Variants in TRAK1 observed in about 807,000 individuals in gnomAD.
The protein encoded by TRAK1 is trafficking kinesin protein 1, also known as trafficking kinesin-binding protein 1.
In TRAK1, 33 loss-of-function variants were observed where a neutral mutation model predicts 92.1. The ratio of observed to expected loss-of-function variants is 0.36; its 90% CI spans 0.27 to 0.48. The LOEUF is 0.48. Ranked by LOEUF, TRAK1 falls within the 20% of genes least tolerant of loss-of-function variation. The pLI is 0.99. For missense variants in TRAK1, 1,123 were observed against 1,257.9 expected (o/e 0.89, Z 1.62); for synonymous variants, 521 against 517.3 (o/e 1.01, Z -0.10).
At chr3:42,017,634 A>G (rs1481671798) in intron 1 of TRAK1, among the ~76,000 whole-genome samples, 1 of 152,214 alleles carries the variant, frequency 6.6e-6, no homozygotes, top group African/African-American at 2.4e-5. Context: ...GTAAAACTGG[A>G]TGTCTCCTGA....
chr3:42,136,611 A>T (rs982590789), intron 2 of TRAK1, among the ~76,000 whole-genome samples: 1 of 150,846 alleles, frequency 6.6e-6, no homozygotes, highest in Non-Finnish European at 1.5e-5. Flanking sequence ...CAATTGAGTG[A>T]GACACTGTTT....
At chr3:42,067,123 A>T (rs1703714729) in intron 1 of TRAK1, among the ~76,000 whole-genome samples, 2 of 152,150 alleles carry the variant, frequency 1.3e-5, no homozygotes, top group African/African-American at 2.4e-5. Context: ...TCTTCTTTGT[A>T]CTCAAGTTGA....
rs1039301130 is a variant in TRAK1, at chr3:42,225,824, G to A, written c.*2087G>A. 6.6e-6 allele frequency: 1 copy of A among 152,112 alleles called. No individual in the cohort carries two copies. 9.4% of individuals were successfully genotyped at this position (152,112 alleles called of 1,614,324 possible). ...GTTTTTATCTTTTCATCAAGGAGAC[G>A]ATCTCTTTATGTAAGACTTGAAAGT... is the stretch of plus-strand genomic sequence containing the variant. On this transcript the variant is annotated 3_prime_UTR_variant, in exon 16 of 16. Coordinates refer to ENST00000327628, the MANE Select transcript of TRAK1 (RefSeq NM_001042646.3).
intron 1 of TRAK1, among the ~76,000 whole-genome samples, chr3:42,049,154 T>C (rs1702882443): frequency 6.6e-6 from 1 of 152,260 alleles, no homozygotes; most frequent in African/African-American, 2.4e-5. Context: ...CTTGCAGGCA[T>C]GAACCACCGC....
chr3:42,129,193 C>T (rs1409496718), intron 2 of TRAK1, among the ~76,000 whole-genome samples: 5 of 152,174 alleles, frequency 3.3e-5, no homozygotes, highest in South Asian at 2.1e-4. Flanking sequence ...TTTGTTTACA[C>T]GTGTGTAACC....
chr3:42,109,149 A>G (rs546087778), intron 1 of TRAK1, among the ~76,000 whole-genome samples: 1 of 152,296 alleles, frequency 6.6e-6, no homozygotes, highest in Non-Finnish European at 1.5e-5. Context: ...TCTTATGTCA[A>G]ACGGGGATAA....
intron 1 of TRAK1, among the ~76,000 whole-genome samples, chr3:42,098,242 A>G: frequency 6.6e-6 from 1 of 151,730 alleles, no homozygotes; most frequent in East Asian, 1.9e-4. Context: ...TAATAATTAT[A>G]CAGCTGAGGT....
chr3:42,090,170 C>T (rs1281014049), upstream of TRAK1, among the ~76,000 whole-genome samples: 9 of 152,090 alleles, frequency 5.9e-5, no homozygotes, highest in Non-Finnish European at 1.2e-4. Flanking sequence ...AAGGAGGGTG[C>T]CAGGCTGAAC....
At chr3:42,218,499 C>T (rs972342321) in intron 14 of TRAK1, 32 of 983,244 alleles carry the variant, frequency 3.3e-5, no homozygotes, top group Non-Finnish European at 3.4e-5. Flanking sequence ...CATGCTATTT[C>T]GGGCAGCATC....
intron 1 of TRAK1, among the ~76,000 whole-genome samples, chr3:42,020,589 T>G (rs1016241370): frequency 2.0e-5 from 3 of 152,234 alleles, no homozygotes; most frequent in African/African-American, 7.2e-5. Flanking sequence ...GGGACTATCA[T>G]GGATAAAGCT....
chr3:42,189,210 CCCT>C (rs1705324472), intron 6 of TRAK1, 86 bp downstream of exon 6: 2 of 997,520 alleles, frequency 2.0e-6, no homozygotes, highest in Non-Finnish European at 3.1e-6. Context: ...TGGTTAAGTG[CCCT>C]CCTCAAAGCT....
chr3:42,060,964 T>G (rs1243142813), intron 1 of TRAK1, among the ~76,000 whole-genome samples: 1 of 151,918 alleles, frequency 6.6e-6, no homozygotes, highest in Non-Finnish European at 1.5e-5. Flanking sequence ...GTTTTGCAGT[T>G]TTTTGGGGAT....
intron 2 of TRAK1, among the ~76,000 whole-genome samples, chr3:42,139,610 A>G (rs1321369851): frequency 2.6e-5 from 4 of 151,580 alleles, no homozygotes; most frequent in East Asian, 1.9e-4. Context: ...CCCTGGGCTT[A>G]CTTACTTTGT....
At chr3:42,033,450 G>C (rs1003404098) in intron 1 of TRAK1, among the ~76,000 whole-genome samples, 1 of 152,130 alleles carries the variant, frequency 6.6e-6, no homozygotes, top group Non-Finnish European at 1.5e-5. Context: ...TTAGCCAGGC[G>C]TGGTGGCACA....
At chr3:42,191,668 C>T (rs1294811637) in intron 7 of TRAK1, 32 bp downstream of exon 7, 2 of 1,568,566 alleles carry the variant, frequency 1.3e-6, no homozygotes, top group African/African-American at 1.3e-5. Context: ...TTCTTACTTC[C>T]TTGCATCTGC....
chr3:42,224,813 C>T lies in TRAK1; in HGVS notation c.*1076C>T, dbSNP rs879118369. ...GGCTTTGGTATTCCGCTGGCTCCAGCGCTTTTTCTGAAACCCGAGGCTGGC... is the reference window on the plus strand; with the variant it reads ...GGCTTTGGTATTCCGCTGGCTCCAGTGCTTTTTCTGAAACCCGAGGCTGGC... On this transcript the variant is annotated 3_prime_UTR_variant, in exon 16 of 16. Transcript: ENST00000327628. The T allele has an allele frequency of 3.3e-5, 5 of 152,248 alleles. No individual in the cohort carries two copies. Among genetic ancestry groups the T allele is most frequent in the South Asian group, 2.1e-4 (1 of 4,832 alleles). The allele number at this position is 152,248 out of a possible 1,614,324, so 9.4% of individuals were successfully genotyped here. A position where few individuals can be genotyped will look rare whatever the true frequency, so the allele number is the denominator to read the frequency against.
At chr3:42,097,091 CAT>C (rs2148995573) in intron 1 of TRAK1, among the ~76,000 whole-genome samples, 1 of 152,306 alleles carries the variant, frequency 6.6e-6, no homozygotes, top group African/African-American at 2.4e-5. Context: ...ATATACTAAA[CAT>C]ATTGTTGCCT....
At chr3:42,034,498 GT>G (rs1472904120) in intron 1 of TRAK1, among the ~76,000 whole-genome samples, 1 of 152,026 alleles carries the variant, frequency 6.6e-6, no homozygotes, top group Non-Finnish European at 1.5e-5. Flanking sequence ...TCTCCATGTT[GT>G]CCCGGATGGT....
At chr3:42,125,158 C>A (rs574942991) in intron 1 of TRAK1, among the ~76,000 whole-genome samples, 83 of 152,152 alleles carry the variant, frequency 5.5e-4, no homozygotes, top group African/African-American at 2.0e-3. Flanking sequence ...GATAAAAGCT[C>A]AAAAATTTTG....
Sources: gnomAD v4.1 joint callset for allele counts (sites outside exome capture counted in the v4.1 genomes callset) on GRCh38, gnomAD v4.1.1 for gene constraint, MANE v1.5 for transcripts, NCBI Gene and HGNC (gene_info 2026-07-23, HGNC 2026-07-21) for gene names.